Variants in SOX5 observed in about 807,000 individuals in gnomAD.
The protein encoded by SOX5 is transcription factor SOX-5.
A neutral mutation model predicts 92.0 loss-of-function variants in SOX5; 9 were observed. The observed-to-expected ratio is 0.10, with a 90% confidence interval of 0.06 to 0.17. The LOEUF (loss-of-function observed/expected upper bound fraction) is 0.17, where lower values mean the gene tolerates loss of function less well. Ranked by LOEUF, SOX5 falls within the 10% of genes least tolerant of loss-of-function variation. SOX5 has a pLI of 1.00. For synonymous variants in SOX5, 344 were observed against 336.3 expected, an observed-to-expected ratio of 1.02 and a Z score of -0.25; for missense variants, 642 against 944.5, an observed-to-expected ratio of 0.68 and a Z score of 4.20.
chr12:24,236,471 T>C (rs951311392), intron 3 of SOX5, among the ~76,000 whole-genome samples: 1 of 152,208 alleles, frequency 6.6e-6, no homozygotes, highest in African/African-American at 2.4e-5. Flanking sequence ...TTCCAGATTG[T>C]TGCAAGCTAG....
intron 1 of SOX5, among the ~76,000 whole-genome samples, chr12:24,416,806 T>A (rs1398250808): frequency 6.6e-6 from 1 of 152,212 alleles, no homozygotes; most frequent in Non-Finnish European, 1.5e-5. Flanking sequence ...AAAATCTCCC[T>A]ATCTGAGTGA....
At chr12:23,823,205 T>C (rs1159088956) in intron 3 of SOX5, among the ~76,000 whole-genome samples, 2 of 152,222 alleles carry the variant, frequency 1.3e-5, no homozygotes, top group African/African-American at 4.8e-5. Context: ...AGTTTCTTCA[T>C]AGTGTTGAAG....
At position 24,393,189 on chromosome 12, in the gene SOX5, T is replaced by C. The variant is rs1166582243; in HGVS notation, c.-250-24550A>G. Among the ~76,000 whole-genome samples the C allele has an allele frequency of 6.6e-6, 1 of 152,200 alleles. No homozygotes were observed. Among genetic ancestry groups the C allele is most frequent in the East Asian group, 1.9e-4 (1 of 5,200 alleles). ...CTGGCAAAAAAACAAACCCACTGCCTGGGGCAGCCTGGGGCTGATGGATGA... is the reference window on the plus strand; with the variant it reads ...CTGGCAAAAAAACAAACCCACTGCCCGGGGCAGCCTGGGGCTGATGGATGA... On this transcript the variant is annotated intron_variant, in intron 1 of 4. Coordinates refer to the SOX5 transcript ENST00000446891. The surrounding 1 kb of genome is among the most constrained non-coding windows in gnomAD (Gnocchi z 5.0).
chr12:23,949,766 G>GTCTC (rs143438082), upstream of SOX5: 10,213 of 471,112 alleles, frequency 0.022, 56 homozygotes, highest in Non-Finnish European at 0.024. Flanking sequence ...CTCTCTCTCT[G>GTCTC]TCTCTCTCTC....
chr12:24,035,781 C>T (rs991319214), intron 4 of SOX5, among the ~76,000 whole-genome samples: 42 of 151,932 alleles, frequency 2.8e-4, no homozygotes, highest in African/African-American at 9.7e-4. Flanking sequence ...TCCCTGCTGC[C>T]GTCCCCTTCT....
intron 2 of SOX5, among the ~76,000 whole-genome samples, chr12:24,319,768 C>T (rs887719386): frequency 2.0e-5 from 3 of 152,096 alleles, no homozygotes; most frequent in African/African-American, 7.2e-5. Context: ...GTTAGAGTCC[C>T]TCTTTCATCT....
chr12:23,951,904 C>T (rs1477588099), upstream of SOX5, among the ~76,000 whole-genome samples: 1 of 152,090 alleles, frequency 6.6e-6, no homozygotes, highest in Non-Finnish European at 1.5e-5. Flanking sequence ...CCTACTCCCA[C>T]ACAGAAAAAT....
chr12:24,271,961 G>A (rs1053135506), intron 3 of SOX5, among the ~76,000 whole-genome samples: 6 of 116,560 alleles, frequency 5.1e-5, no homozygotes, highest in Non-Finnish European at 7.1e-5. Context: ...ATTAACTTGT[G>A]ACATTTCACA....
chr12:24,264,791 A>G (rs1942769575), intron 3 of SOX5, among the ~76,000 whole-genome samples: 1 of 152,242 alleles, frequency 6.6e-6, no homozygotes. Context: ...CAAAAACACT[A>G]GAAGAGTGGT....
intron 4 of SOX5, among the ~76,000 whole-genome samples, chr12:24,011,224 A>C (rs1177977668): frequency 1.3e-5 from 2 of 151,840 alleles, no homozygotes; most frequent in Non-Finnish European, 2.9e-5. Flanking sequence ...ATTAAAAAAA[A>C]TAGAAAACAA....
At chr12:23,629,793 G>T (rs12370994) in intron 8 of SOX5, among the ~76,000 whole-genome samples, 61,498 of 151,522 alleles carry the variant, frequency 0.41, 12,960 homozygotes, top group East Asian at 0.57. Context: ...ATCCACCAAG[G>T]ATCCTTGACT....
chr12:24,367,441 G>A (rs1429379725), intron 2 of SOX5, among the ~76,000 whole-genome samples: 1 of 152,058 alleles, frequency 6.6e-6, no homozygotes, highest in Non-Finnish European at 1.5e-5. Flanking sequence ...AAAGCCAATA[G>A]ATATTAAACC....
intron 1 of SOX5, among the ~76,000 whole-genome samples, chr12:24,435,741 A>G (rs755954330): frequency 4.8e-4 from 73 of 151,342 alleles, no homozygotes; most frequent in Non-Finnish European, 8.7e-4. Context: ...ACTTTATTGC[A>G]CTTCACAGAT....
chr12:23,710,311 T>C (rs1252987525), intron 6 of SOX5, among the ~76,000 whole-genome samples: 1 of 152,200 alleles, frequency 6.6e-6, no homozygotes, highest in African/African-American at 2.4e-5. Context: ...TACATATGTA[T>C]ACATGTGCCA....
At chr12:23,972,903 T>G (rs2140161826) in intron 4 of SOX5, among the ~76,000 whole-genome samples, 1 of 152,268 alleles carries the variant, frequency 6.6e-6, no homozygotes, top group Middle Eastern at 3.4e-3. Context: ...AATAGATCAC[T>G]AAAACTATTC....
chr12:23,581,035 T>C (rs10842184), intron 9 of SOX5, among the ~76,000 whole-genome samples: 32,798 of 151,990 alleles, frequency 0.22, 4,192 homozygotes, highest in East Asian at 0.6. Flanking sequence ...GAAGAAAATA[T>C]GTTACTGTAA....
At chr12:24,077,884 C>T (rs778858055) in intron 4 of SOX5, among the ~76,000 whole-genome samples, 58 of 148,510 alleles carry the variant, frequency 3.9e-4, no homozygotes, top group Middle Eastern at 3.5e-3. Flanking sequence ...CATAGCAATT[C>T]TGAATGTTAC....
chr12:24,079,966 G>C (rs1269923433), intron 4 of SOX5, among the ~76,000 whole-genome samples: 1 of 151,846 alleles, frequency 6.6e-6, no homozygotes, highest in African/African-American at 2.4e-5. Context: ...GTAATTAGTA[G>C]ATAAACTTTC....
intron 7 of SOX5, among the ~76,000 whole-genome samples, chr12:23,649,274 G>A (rs2081258587): frequency 6.6e-6 from 1 of 151,762 alleles, no homozygotes. Flanking sequence ...TACAGAAGCT[G>A]CTGTAAGAAA....
Sources: allele counts gnomAD v4.1 joint callset (sites outside exome capture counted in the v4.1 genomes callset), GRCh38; gene constraint gnomAD v4.1.1; non-coding constraint Gnocchi (gnomAD v3.1); transcripts MANE v1.5; gene names NCBI Gene and HGNC (gene_info 2026-07-23, HGNC 2026-07-21).